Variants in TNRC6A observed in about 807,000 individuals in gnomAD.
The protein encoded by TNRC6A is trinucleotide repeat-containing gene 6A protein.
A neutral mutation model predicts 221.2 loss-of-function variants in TNRC6A; 44 were observed. The ratio of observed to expected loss-of-function variants is 0.20; its 90% CI spans 0.16 to 0.26. TNRC6A has a LOEUF of 0.26. Among genes scored for constraint, TNRC6A ranks in the 10% least tolerant of loss-of-function variants. The pLI, the probability that TNRC6A is intolerant of heterozygous loss-of-function variation, is 1.00. For synonymous variants in TNRC6A, 847 were observed against 838.5 expected, an observed-to-expected ratio of 1.01 and a Z score of -0.18; for missense variants, 2,199 against 2,404.4, an observed-to-expected ratio of 0.91 and a Z score of 1.79.
chr16:24,766,812 G>A (rs910642150), intron 4 of TNRC6A, among the ~76,000 whole-genome samples: 2 of 151,750 alleles, frequency 1.3e-5, no homozygotes, highest in Non-Finnish European at 2.9e-5. Context: ...GAGTAGCTGG[G>A]ATTACAGGCG....
At chr16:24,663,252 G>A in intron 2 of TNRC6A, 1 of 154,270 alleles carries the variant, frequency 6.5e-6, no homozygotes. Flanking sequence ...GAAGGATGCG[G>A]ATTAAAAATC....
Position 24,789,304 on chromosome 16 carries a change from C to G in TNRC6A, c.662C>G (p.Ser221Cys), listed in dbSNP as rs758411750. The G allele has an allele frequency of 1.2e-6, 2 of 1,614,120 alleles. No homozygotes were observed. The highest frequency in any genetic ancestry group is 1.7e-6 in the Non-Finnish European group (2 of 1,179,994). The change falls in exon 6 of 25, where the codon TCT becomes TGT. Residue 221 changes from serine (S) to cysteine (C), a missense_variant. Coordinates refer to ENST00000395799, the MANE Select transcript of TNRC6A (RefSeq NM_014494.4). The stretch of plus-strand genomic sequence containing the variant: ...GGACCTGTGTCTTCTACAAGTGATT[C>G]TAGCACAAACTGTAAGAATGCTGTT... ...QRGPVSSTSDSSTNCKNAVVS... is the reference protein window; with the variant it reads ...QRGPVSSTSDCSTNCKNAVVS...
intron 2 of TNRC6A, among the ~76,000 whole-genome samples, chr16:24,704,104 T>C: frequency 1.3e-5 from 2 of 150,308 alleles, no homozygotes; most frequent in Admixed American, 6.7e-5. Flanking sequence ...AAAAAAAAAT[T>C]TTTTTTTGGA....
chr16:24,817,494 A>G (rs2058679334), intron 20 of TNRC6A, among the ~76,000 whole-genome samples: 1 of 152,096 alleles, frequency 6.6e-6, no homozygotes, highest in Non-Finnish European at 1.5e-5. Context: ...TTCAGAGAGT[A>G]AGAATAAGAC....
At chr16:24,785,714 A>G (rs2057952002) in intron 5 of TNRC6A, among the ~76,000 whole-genome samples, 1 of 151,892 alleles carries the variant, frequency 6.6e-6, no homozygotes, top group African/African-American at 2.4e-5. Context: ...TGAATTCTGG[A>G]TCCATTTCTT....
chr16:24,711,066 T>G lies in TNRC6A; in HGVS notation n.403-39660T>G, dbSNP rs1013229413. 1.7e-4 allele frequency among the ~76,000 whole-genome samples: 26 copies of G among 152,144 alleles called. 1 individual carries two copies. Among genetic ancestry groups the G allele is most frequent in the Middle Eastern group, 6.8e-3 (2 of 294 alleles). Reference sequence around the variant, plus strand: ...AATTTTTTGTATTTTTAGTAGAGACTGGGTTTCACCGTGTTAGCCAGGATG... The same window carrying G: ...AATTTTTTGTATTTTTAGTAGAGACGGGGTTTCACCGTGTTAGCCAGGATG... On this transcript the variant is annotated intron_variant and non_coding_transcript_variant, in intron 2 of 2. Coordinates refer to the TNRC6A transcript ENST00000566108.
At chr16:24,626,130 C>G (rs1264648068) in intron 1 of TNRC6A, among the ~76,000 whole-genome samples, 1 of 128,754 alleles carries the variant, frequency 7.8e-6, no homozygotes, top group East Asian at 2.1e-4. Context: ...AGCACACATT[C>G]AGTTTTTTTT....
chr16:24,736,414 C>T (rs2056768815), intron 2 of TNRC6A, among the ~76,000 whole-genome samples: 1 of 152,178 alleles, frequency 6.6e-6, no homozygotes, highest in Admixed American at 6.5e-5. Context: ...TTCAGATTTT[C>T]CCAATTTTCT....
chr16:24,778,566 T>C (rs2057774924), intron 5 of TNRC6A: 1 of 898,754 alleles, frequency 1.1e-6, no homozygotes, highest in African/African-American at 1.8e-5. Context: ...CAGCACCTTA[T>C]TACCTGTGTG....
At position 24,791,413 on chromosome 16, in the gene TNRC6A, A is replaced by G; in HGVS notation, c.2771A>G (p.Asp924Gly). The part of the protein sequence containing the change: ...SKPTPSQGWG[D>G]PPKSNQSLGW... ...CCTACTCCTTCCCAGGGATGGGGAG[A>G]CCCTCCAAAGTCTAATCAGTCTCTA... The change falls in exon 6 of 25, where the codon GAC (aspartate) becomes GGC (glycine). Residue 924 changes from aspartate (D) to glycine (G), a missense_variant. Transcript: ENST00000395799. 1 of 1,557,374 alleles carries G rather than the reference A, an allele frequency of 6.4e-7. No individual in the cohort carries two copies. The highest frequency in any genetic ancestry group is 2.2e-5 in the East Asian group (1 of 44,520).
intron 2 of TNRC6A, among the ~76,000 whole-genome samples, chr16:24,702,698 C>T (rs749264248): frequency 2.6e-5 from 4 of 151,954 alleles, no homozygotes; most frequent in Non-Finnish European, 4.4e-5. Flanking sequence ...ATCATCCCAC[C>T]GCACTTTAGC....
chr16:24,771,587 A>ATGT lies in TNRC6A; in HGVS notation c.164-5344_164-5342dup, dbSNP rs1567449490. On this transcript the variant is annotated intron_variant, in intron 4 of 24. Transcript: ENST00000395799. Reference sequence around the variant, plus strand: ...TTATGTTATGTTATGTTATGTTGTTATGTTATGTTATGTTATGTTATGTTA... The same window carrying ATGT: ...TTATGTTATGTTATGTTATGTTGTTATGTTGTTATGTTATGTTATGTTATGTTA... Among the ~76,000 whole-genome samples the ATGT allele has an allele frequency of 2.9e-3, 413 of 141,954 alleles. 3 individuals carry two copies. The highest frequency in any genetic ancestry group is 6.3e-3 in the East Asian group (30 of 4,732). 93.1% of individuals were successfully genotyped at this position (141,954 alleles called of 152,430 possible). A position where few individuals can be genotyped will look rare whatever the true frequency, so the allele number is the denominator to read the frequency against.
intron 2 of TNRC6A, among the ~76,000 whole-genome samples, chr16:24,683,948 G>T (rs2055579848): frequency 6.6e-6 from 1 of 152,216 alleles, no homozygotes; most frequent in South Asian, 2.1e-4. Context: ...AAAGCCAGGA[G>T]TGTCTTGTCC....
chr16:24,668,392 C>CATAT (rs10661967), intron 2 of TNRC6A, among the ~76,000 whole-genome samples: 5,386 of 151,704 alleles, frequency 0.036, 319 homozygotes, highest in African/African-American at 0.12. Flanking sequence ...AAATAAATTA[C>CATAT]ATATATATAT....
chr16:24,818,533 C>G, intron 20 of TNRC6A, 60 bp from the exon 21 acceptor site: 2 of 1,397,696 alleles, frequency 1.4e-6, no homozygotes, highest in Non-Finnish European at 2.0e-6. Flanking sequence ...GAAGCTTTTG[C>G]TTTTTCTGAA....
In TNRC6A at chr16:24,826,024, TC is replaced by T. The variant is rs1476094545; in HGVS notation, c.*2219del. ...TCAGTGCGTTCAATGTATATTGACTTCCATACTGGTTTTTCCAAAAACCAAA... is the reference window on the plus strand; with the variant it reads ...TCAGTGCGTTCAATGTATATTGACTTCATACTGGTTTTTCCAAAAACCAAA... On this transcript the variant is annotated 3_prime_UTR_variant, in exon 25 of 25. Transcript: ENST00000395799. 6.5e-6 allele frequency: 1 copy of T among 152,696 alleles called. No individual in the cohort carries two copies. Among genetic ancestry groups the T allele is most frequent in the African/African-American group, 2.4e-5 (1 of 41,470 alleles). 9.5% of individuals were successfully genotyped at this position (152,696 alleles called of 1,614,324 possible).
chr16:24,642,871 T>G (rs921383907), intron 2 of TNRC6A, among the ~76,000 whole-genome samples: 1 of 151,294 alleles, frequency 6.6e-6, no homozygotes, highest in Non-Finnish European at 1.5e-5. Flanking sequence ...AGTGAGACCC[T>G]GTCTCTACAA....
At chr16:24,703,991 G>A (rs559727017) in intron 2 of TNRC6A, among the ~76,000 whole-genome samples, 4 of 151,066 alleles carry the variant, frequency 2.6e-5, no homozygotes, top group Admixed American at 2.6e-4. Context: ...GGCTGAGGCA[G>A]GAGGATCACT....
chr16:24,692,670 G>T (rs928598973), intron 2 of TNRC6A, among the ~76,000 whole-genome samples: 2 of 151,820 alleles, frequency 1.3e-5, no homozygotes, highest in Non-Finnish European at 2.9e-5. Flanking sequence ...CCGTGATTGT[G>T]CCACTGCATT....
Sources: gnomAD v4.1 joint callset for allele counts (sites outside exome capture counted in the v4.1 genomes callset) on GRCh38, gnomAD v4.1.1 for gene constraint, MANE v1.5 for transcripts, NCBI Gene and HGNC (gene_info 2026-07-23, HGNC 2026-07-21) for gene names.